The following RHCE variants were observed in gnomAD, a reference collection of about 807,000 sequenced individuals.
RHCE encodes the protein blood group Rh(CE) polypeptide.
A neutral mutation model predicts 43.8 loss-of-function variants in RHCE; 22 were observed. The ratio of observed to expected loss-of-function variants is 0.50; its 90% confidence interval spans 0.36 to 0.72. The LOEUF (loss-of-function observed/expected upper bound fraction) is 0.72. RHCE is among the 30% of genes least tolerant of loss of function. RHCE has a pLI of 0.00. For missense variants in RHCE, 385 were observed against 525.4 expected, an observed-to-expected ratio of 0.73 and a Z score of 2.61; for synonymous variants, 156 against 210.7, an observed-to-expected ratio of 0.74 and a Z score of 2.25.
chr1:25,415,707 T>C (rs1171649250), intron 1 of RHCE, among the ~76,000 whole-genome samples: 3 of 152,178 alleles, frequency 2.0e-5, no homozygotes, highest in Middle Eastern at 3.4e-3. Context: ...GTCAATTCAT[T>C]TATCCTTTCA....
intron 7 of RHCE, chr1:25,385,449 T>A: frequency 1.8e-6 from 1 of 546,638 alleles, no homozygotes; most frequent in South Asian, 1.7e-5. Flanking sequence ...GCTCTGTGTT[T>A]GTGGGGTCAC....
chr1:25,429,221 G>GTT (rs386366538), intron 1 of RHCE, among the ~76,000 whole-genome samples: 51,439 of 111,900 alleles, frequency 0.46, 11,777 homozygotes, highest in Non-Finnish European at 0.5. Context: ...TTCCTGGGAA[G>GTT]TTTTTTTTTT....
Position 25,362,482 on chromosome 1 carries a change from T to C in RHCE, c.*45A>G, listed in dbSNP as rs1232717184. On this transcript the variant is annotated 3_prime_UTR_variant, in exon 10 of 10. Transcript: ENST00000294413. Reference sequence around the variant, plus strand: ...AAATGCAGGCAACAGTGAGAGGAAGTTGTCTTGTTTTTGAACAGGCCTTGT... The same window carrying C: ...AAATGCAGGCAACAGTGAGAGGAAGCTGTCTTGTTTTTGAACAGGCCTTGT... 4.4e-6 allele frequency: 7 copies of C among 1,576,516 alleles called. No homozygotes were observed. The highest frequency in any genetic ancestry group is 3.7e-5 in the Admixed American group (2 of 53,684).
intron 2 of RHCE, among the ~76,000 whole-genome samples, chr1:25,405,571 T>G (rs1192095458): frequency 6.8e-6 from 1 of 147,748 alleles, no homozygotes; most frequent in Non-Finnish European, 1.5e-5. Flanking sequence ...GGAGGATCAC[T>G]TGAGCCCAGG....
intron 1 of RHCE, among the ~76,000 whole-genome samples, chr1:25,418,024 T>G (rs1000062340): frequency 3.3e-5 from 5 of 152,168 alleles, no homozygotes; most frequent in African/African-American, 1.2e-4. Context: ...CTGTTTATTT[T>G]TATTTATTAC....
chr1:25,423,835 T>C (rs192716222), upstream of RHCE, among the ~76,000 whole-genome samples: 1 of 152,290 alleles, frequency 6.6e-6, no homozygotes, highest in Admixed American at 6.5e-5. Flanking sequence ...GTCTTTCAAC[T>C]TTTTTTGGTA....
Position 25,392,000 on chromosome 1 carries a change from T to C in RHCE, c.628A>G (p.Met210Val). 6.2e-7 allele frequency: 1 copy of C among 1,614,022 alleles called. No homozygotes were observed. The highest frequency in any genetic ancestry group is 1.1e-5 in the South Asian group (1 of 91,082). ...CACCCCACCTTGTCCTTACCCAGCA[T>C]GGCAGACAAACTGGGTATCGTTGCT... is the stretch of plus-strand genomic sequence containing the variant. Reference protein sequence around the residue: ...QRATIPSLSAMLGALFLWMFW... With the variant: ...QRATIPSLSAVLGALFLWMFW... The change falls in exon 4 of 10, where the codon ATG (methionine) becomes GTG (valine). Residue 210 changes from methionine (M) to valine (V), a missense_variant. Transcript: ENST00000294413.
chr1:25,402,869 A>C, intron 2 of RHCE, 123 bp from the exon 3 acceptor site: 1 of 1,403,452 alleles, frequency 7.1e-7, no homozygotes, highest in South Asian at 1.2e-5. Flanking sequence ...AATAGAAGAC[A>C]AGATTTCTAC....
Position 25,388,997 on chromosome 1 carries a change from G to C in RHCE, c.918C>G (p.Ile306Met). 6.2e-7 allele frequency: 1 copy of C among 1,614,216 alleles called. No individual in the cohort carries two copies. The highest frequency in any genetic ancestry group is 8.5e-7 in the Non-Finnish European group (1 of 1,180,044). Residue 306 changes from isoleucine (I) to methionine (M), a missense_variant, in exon 6 of 10, where the codon ATC becomes ATG. Ile to Met is a conservative substitution (Grantham distance 10). This residue lies in a region of RHCE where 82 missense variants were observed against 69.2 expected (regional missense o/e 1.18). Coordinates refer to ENST00000294413, the MANE Select transcript of RHCE (RefSeq NM_020485.8). Reference sequence around the variant, plus strand: ...TTACCGGCAGGCACTTGGCTCCCCCGATGGAGATCAGCCCAGCCACAAGAC... The same window carrying C: ...TTACCGGCAGGCACTTGGCTCCCCCCATGGAGATCAGCCCAGCCACAAGAC... ...VLGLVAGLIS[I>M]GGAKCLPVCC...
chr1:25,429,225 T>TTG (rs1553162570), intron 1 of RHCE, among the ~76,000 whole-genome samples: 105 of 145,766 alleles, frequency 7.2e-4, no homozygotes, highest in Admixed American at 3.4e-3. Flanking sequence ...TGGGAAGTTT[T>TTG]TTTTTTTTTT....
rs1032100281 is a variant in RHCE, at chr1:25,427,664, C to T, written c.-40+1289G>A. 2.0e-5 allele frequency among the ~76,000 whole-genome samples: 3 copies of T among 152,222 alleles called. No homozygotes were observed. In the East Asian group the frequency reaches 5.8e-4, roughly 29 times the overall value. ...GCTCTGGCCTCTCCTTGGGTCTTGG[C>T]AAGAAGGCCATTCCCATCATCTCAC... On this transcript the variant is annotated intron_variant, in intron 2 of 11. Transcript: ENST00000349320.
At chr1:25,390,701 C>T (rs1285217925) in intron 5 of RHCE, 48 bp downstream of exon 5, 3 of 1,610,968 alleles carry the variant, frequency 1.9e-6, no homozygotes, top group Non-Finnish European at 2.5e-6. Flanking sequence ...AATATGTGTG[C>T]TAGTCCTGTT....
chr1:25,391,418 C>T (rs1646358681), intron 4 of RHCE, among the ~76,000 whole-genome samples: 1 of 151,960 alleles, frequency 6.6e-6, no homozygotes, highest in South Asian at 2.1e-4. Flanking sequence ...AACTCCTGAC[C>T]TCAGGTGATC....
At chr1:25,379,451 G>GTATATATATATATATATATA (rs1189074254) in intron 7 of RHCE, among the ~76,000 whole-genome samples, 3 of 50,996 alleles carry the variant, frequency 5.9e-5, no homozygotes, top group African/African-American at 1.2e-4. Context: ...TAGCACCAAA[G>GTATATATATATATATATATA]TATATATATA....
At position 25,406,783 on chromosome 1, in the gene RHCE, G is replaced by A. The variant is rs534402893; in HGVS notation, c.335+1900C>T. 2.5e-5 allele frequency among the ~76,000 whole-genome samples: 3 copies of A among 119,450 alleles called. 1 individual carries two copies. The highest frequency in any genetic ancestry group is 8.8e-4 in the South Asian group (2 of 2,274). 78.4% of individuals were successfully genotyped at this position (119,450 alleles called of 152,430 possible). A position where few individuals can be genotyped will look rare whatever the true frequency, so the allele number is the denominator to read the frequency against. On this transcript the variant is annotated intron_variant, in intron 2 of 9. Transcript: ENST00000294413. ...TGGGACTACAGGCGCCCGCCACCAC[G>A]CCCAGCTAATTTTTTGTATGTTTAG...
chr1:25,390,388 T>C (rs1646318771), intron 5 of RHCE, among the ~76,000 whole-genome samples: 2 of 152,162 alleles, frequency 1.3e-5, no homozygotes, highest in African/African-American at 2.4e-5. Context: ...TTGAAATTTG[T>C]TGGGGGGAAG....
At chr1:25,423,389 G>A (rs1275202922), upstream of RHCE, among the ~76,000 whole-genome samples, 1 of 152,156 alleles carries the variant, frequency 6.6e-6, no homozygotes, top group Non-Finnish European at 1.5e-5. Flanking sequence ...AGATTTCCAG[G>A]CAATGCCAAC....
intron 3 of RHCE, among the ~76,000 whole-genome samples, chr1:25,392,579 T>C (rs2124433376): frequency 7.1e-6 from 1 of 140,206 alleles, no homozygotes; most frequent in East Asian, 2.1e-4. Flanking sequence ...TTTTTTTTTT[T>C]TTTTTTTTTG....
chr1:25,376,398 A>G (rs1032590737), intron 7 of RHCE, among the ~76,000 whole-genome samples: 30 of 152,158 alleles, frequency 2.0e-4, no homozygotes, highest in East Asian at 5.8e-4. Context: ...AGCCTTTCCT[A>G]TTTCTTGTCT....
Sources: allele counts gnomAD v4.1 joint callset (sites outside exome capture counted in the v4.1 genomes callset), GRCh38; gene constraint gnomAD v4.1.1; regional missense constraint gnomAD v4.1.1; transcripts MANE v1.5; gene names NCBI Gene and HGNC (gene_info 2026-07-23, HGNC 2026-07-21).